The following SRPK2 variants were observed in gnomAD, a reference collection of about 807,000 sequenced individuals.
SRPK2 encodes the protein SFRS protein kinase 2.
A neutral mutation model predicts 90.8 loss-of-function variants in SRPK2; 21 were observed. The observed-to-expected ratio is 0.23, with a 90% confidence interval of 0.16 to 0.33. The LOEUF is 0.33. Among genes scored for constraint, SRPK2 ranks in the 10% least tolerant of loss-of-function variants. The pLI is 1.00. For synonymous variants in SRPK2, 288 were observed against 311.1 expected, an observed-to-expected ratio of 0.93 and a Z score of 0.78; for missense variants, 620 against 869.0, an observed-to-expected ratio of 0.71 and a Z score of 3.60.
intron 2 of SRPK2, among the ~76,000 whole-genome samples, chr7:105,241,697 C>A (rs1210966352): frequency 6.6e-6 from 1 of 152,210 alleles, no homozygotes; most frequent in Non-Finnish European, 1.5e-5. Flanking sequence ...ACGCAACAAT[C>A]TATTCCTTTA....
chr7:105,172,928 T>G (rs769929944), intron 3 of SRPK2, among the ~76,000 whole-genome samples: 7 of 152,230 alleles, frequency 4.6e-5, no homozygotes, highest in Non-Finnish European at 5.9e-5. Context: ...TTAGCCGAAG[T>G]GTATACATGT....
chr7:105,360,922 A>G lies in SRPK2; in HGVS notation c.71+27726T>C, dbSNP rs566185958. ...TTCCCTTTGAAAACTGGCACAAGACAAGGATGTCCTCTCTCACCACTCGAA... is the reference window on the plus strand; with the variant it reads ...TTCCCTTTGAAAACTGGCACAAGACGAGGATGTCCTCTCTCACCACTCGAA... On this transcript the variant is annotated intron_variant, in intron 2 of 15. Transcript: ENST00000393651. 3.1e-3 allele frequency among the ~76,000 whole-genome samples: 468 copies of G among 152,306 alleles called. 2 individuals are homozygous for G. Among genetic ancestry groups the G allele is most frequent in the Non-Finnish European group, 3.6e-3 (245 of 68,028 alleles).
intron 2 of SRPK2, among the ~76,000 whole-genome samples, chr7:105,257,123 G>A (rs529240800): frequency 1.3e-4 from 20 of 152,340 alleles, no homozygotes; most frequent in African/African-American, 4.8e-4. Flanking sequence ...ACATTTCTGT[G>A]CTGGCTTTGT....
At chr7:105,212,957 T>C (rs1012229045) in intron 2 of SRPK2, among the ~76,000 whole-genome samples, 3 of 152,188 alleles carry the variant, frequency 2.0e-5, no homozygotes, top group South Asian at 2.1e-4. Context: ...ACATAGTATA[T>C]ACACCATACT....
At position 105,271,470 on chromosome 7, in the gene SRPK2, T is replaced by A. The variant is rs117283425; in HGVS notation, c.72-67685A>T. 1.4e-3 allele frequency among the ~76,000 whole-genome samples: 215 copies of A among 152,370 alleles called. 5 individuals carry two copies. The East Asian group carries it at 0.04, about 28-fold the overall frequency. On this transcript the variant is annotated intron_variant, in intron 2 of 15. Transcript: ENST00000393651. ...TCAAGGAACGTTAACACTATGATAC[T>A]GTATCCTTTGAGGCCCACATACTCT... is the stretch of plus-strand genomic sequence containing the variant.
At chr7:105,208,638 A>T (rs1473332562) in intron 2 of SRPK2, among the ~76,000 whole-genome samples, 1 of 152,100 alleles carries the variant, frequency 6.6e-6, no homozygotes, top group Non-Finnish European at 1.5e-5. Context: ...GGGGTTGGGG[A>T]AATGGAGAAA....
rs879406968 is a variant in SRPK2 at position 105,170,963 on chromosome 7, G to GAA, written c.230-1700_230-1699dup. On this transcript the variant is annotated intron_variant, in intron 3 of 15. Coordinates refer to ENST00000393651, the MANE Select transcript of SRPK2 (RefSeq NM_182692.3). ...AGAAAGAAAGAAAGAAAGAAAGAAA[G>GAA]AAAGAGAAAGAAAGAGAAAGAAAGA... Among the ~76,000 whole-genome samples, 247 of 29,814 alleles carry GAA rather than the reference G, an allele frequency of 8.3e-3. 38 individuals are homozygous for GAA. The highest frequency in any genetic ancestry group is 0.02 in the Middle Eastern group (1 of 50). The allele number at this position is 29,814 out of a possible 152,430, so 19.6% of individuals were successfully genotyped here.
At chr7:105,175,974 T>G (rs2129593478) in intron 3 of SRPK2, among the ~76,000 whole-genome samples, 1 of 152,316 alleles carries the variant, frequency 6.6e-6, no homozygotes, top group African/African-American at 2.4e-5. Flanking sequence ...ACTTCCAGTT[T>G]TGATCCTATG....
intron 11 of SRPK2, among the ~76,000 whole-genome samples, chr7:105,138,201 C>T (rs571978977): frequency 2.6e-5 from 4 of 152,270 alleles, no homozygotes; most frequent in East Asian, 1.9e-4. Flanking sequence ...TTTGTTTGTT[C>T]GTTATTCAAT....
intron 2 of SRPK2, among the ~76,000 whole-genome samples, chr7:105,326,523 T>A (rs1336349989): frequency 6.6e-6 from 1 of 152,214 alleles, no homozygotes; most frequent in Admixed American, 6.5e-5. Context: ...ATTGGCAAGA[T>A]CATGACTGGC....
At chr7:105,273,413 TTTTC>T (rs1455318137) in intron 2 of SRPK2, among the ~76,000 whole-genome samples, 4 of 141,356 alleles carry the variant, frequency 2.8e-5, no homozygotes, top group South Asian at 4.8e-4. Context: ...CCAACTCGTT[TTTTC>T]TTTTTCTTTT....
intron 2 of SRPK2, among the ~76,000 whole-genome samples, chr7:105,239,326 AC>A (rs1343489979): frequency 6.6e-6 from 1 of 152,252 alleles, no homozygotes; most frequent in African/African-American, 2.4e-5. Context: ...ATCAGAAAGC[AC>A]AAAGTATAGA....
intron 2 of SRPK2, among the ~76,000 whole-genome samples, chr7:105,235,064 C>G (rs1228942997): frequency 2.1e-5 from 3 of 145,234 alleles, no homozygotes; most frequent in Non-Finnish European, 4.5e-5. Flanking sequence ...GTGGCCCAAG[C>G]CAATTCTTCT....
chr7:105,319,514 G>C (rs867091587), intron 2 of SRPK2, among the ~76,000 whole-genome samples: 1 of 113,328 alleles, frequency 8.8e-6, no homozygotes, highest in African/African-American at 3.0e-5. Flanking sequence ...CGGGGGGGGG[G>C]GGGGCGGTGG....
Position 105,379,149 on chromosome 7 carries a change from A to C in SRPK2, c.71+9499T>G, listed in dbSNP as rs1248065541. ...GCCAACAAAGCAAGACCCAGTCTCT[A>C]AAAAAAAATATATATATATATATAA... On this transcript the variant is annotated intron_variant, in intron 2 of 15. Transcript: ENST00000393651. Among the ~76,000 whole-genome samples the C allele has an allele frequency of 3.3e-5, 5 of 149,426 alleles. No homozygotes were observed. In the Admixed American group the frequency reaches 3.3e-4, roughly 10 times the overall value.
chr7:105,244,320 A>G (rs1365691234), intron 2 of SRPK2, among the ~76,000 whole-genome samples: 1 of 152,244 alleles, frequency 6.6e-6, no homozygotes, highest in Non-Finnish European at 1.5e-5. Context: ...CTGTAATCCC[A>G]GCACTTTGGG....
chr7:105,146,393 T>G (rs1007234421), intron 8 of SRPK2, 100 bp downstream of exon 8: 1 of 1,267,272 alleles, frequency 7.9e-7, no homozygotes, highest in Admixed American at 2.8e-5. Context: ...TTCCAAAATC[T>G]TCCTTATGTG....
chr7:105,363,598 A>T (rs946165823), intron 2 of SRPK2, among the ~76,000 whole-genome samples: 4 of 152,172 alleles, frequency 2.6e-5, no homozygotes, highest in Non-Finnish European at 5.9e-5. Flanking sequence ...AATTAGTTCA[A>T]CCCTTGTGGA....
chr7:105,222,882 A>C (rs1212195975), intron 2 of SRPK2, among the ~76,000 whole-genome samples: 1 of 152,170 alleles, frequency 6.6e-6, no homozygotes, highest in African/African-American at 2.4e-5. Flanking sequence ...AATTTTACTG[A>C]TGAAAAAAAA....
Sources: gnomAD v4.1 joint callset for allele counts (sites outside exome capture counted in the v4.1 genomes callset) on GRCh38, gnomAD v4.1.1 for gene constraint, MANE v1.5 for transcripts, NCBI Gene and HGNC (gene_info 2026-07-23, HGNC 2026-07-21) for gene names.